The following ROBO2 variants were observed in gnomAD, a reference collection of about 807,000 sequenced individuals.
ROBO2 encodes roundabout homolog 2.
In ROBO2, 53 loss-of-function variants were observed where a neutral mutation model predicts 160.8. The observed-to-expected ratio is 0.33, with a 90% CI of 0.26 to 0.41. ROBO2 has a LOEUF of 0.41. Among genes scored for constraint, ROBO2 ranks in the 10% least tolerant of loss-of-function variants. The pLI is 1.00. For missense variants in ROBO2, 1,577 were observed against 1,722.4 expected, an observed-to-expected ratio of 0.92 and a Z score of 1.49; for synonymous variants, 664 against 611.7, an observed-to-expected ratio of 1.09 and a Z score of -1.26.
intron 2 of ROBO2, among the ~76,000 whole-genome samples, chr3:76,834,545 A>G (rs1440911233): frequency 2.6e-5 from 4 of 151,652 alleles, no homozygotes; most frequent in Non-Finnish European, 4.4e-5. Flanking sequence ...GCTAATTTTT[A>G]TATTTTTTGT....
chr3:76,367,008 A>G (rs1176167935), intron 2 of ROBO2, among the ~76,000 whole-genome samples: 1 of 152,022 alleles, frequency 6.6e-6, no homozygotes, highest in Non-Finnish European at 1.5e-5. Context: ...CTCAATATAG[A>G]ATGTAAGCAG....
At chr3:75,909,778 T>C (rs917901922) in intron 1 of ROBO2, among the ~76,000 whole-genome samples, 2 of 152,162 alleles carry the variant, frequency 1.3e-5, no homozygotes, top group African/African-American at 2.4e-5. Context: ...TCTAATTCTT[T>C]CAGAAAGAGG....
At chr3:76,215,095 G>C (rs1703416038) in intron 2 of ROBO2, among the ~76,000 whole-genome samples, 1 of 152,218 alleles carries the variant, frequency 6.6e-6, no homozygotes, top group South Asian at 2.1e-4. Context: ...ACCTGCAGCT[G>C]AGGGTCTTGA....
intron 21 of ROBO2, among the ~76,000 whole-genome samples, chr3:77,614,313 C>T (rs1344214649): frequency 6.6e-6 from 1 of 152,082 alleles, no homozygotes; most frequent in Non-Finnish European, 1.5e-5. Flanking sequence ...TGATCTCCAA[C>T]ATATAAAACA....
At chr3:75,997,542 G>A (rs1186180058) in intron 2 of ROBO2, among the ~76,000 whole-genome samples, 1 of 129,344 alleles carries the variant, frequency 7.7e-6, no homozygotes, top group Non-Finnish European at 1.6e-5. Flanking sequence ...ACCCAGGCTG[G>A]GGTGCAGTAG....
At chr3:77,430,902 G>C (rs1386078504) in intron 2 of ROBO2, among the ~76,000 whole-genome samples, 2 of 152,084 alleles carry the variant, frequency 1.3e-5, no homozygotes, top group African/African-American at 4.8e-5. Context: ...CTAAACTTTT[G>C]TGCCTGTATC....
At chr3:76,090,255 G>C (rs1005818777) in intron 2 of ROBO2, among the ~76,000 whole-genome samples, 3 of 152,062 alleles carry the variant, frequency 2.0e-5, no homozygotes, top group African/African-American at 7.2e-5. Context: ...GAGGTCAGGG[G>C]TTCGAGACCA....
chr3:77,138,403 A>T (rs2076446174), intron 2 of ROBO2, among the ~76,000 whole-genome samples: 1 of 152,322 alleles, frequency 6.6e-6, no homozygotes, highest in Non-Finnish European at 1.5e-5. Context: ...ATAGTAGTTT[A>T]GATGCCGTGG....
chr3:76,288,035 T>G, intron 2 of ROBO2, among the ~76,000 whole-genome samples: 1 of 152,374 alleles, frequency 6.6e-6, no homozygotes. Context: ...AAAATAATTT[T>G]TATTATTTAA....
At chr3:77,608,144 T>C (rs2153696337) in intron 21 of ROBO2, among the ~76,000 whole-genome samples, 190 bp downstream of exon 22, 1 of 152,152 alleles carries the variant, frequency 6.6e-6, no homozygotes, top group South Asian at 2.1e-4. Flanking sequence ...ACAGCACATA[T>C]TGAGGACTGA....
chr3:76,713,662 G>T (rs1398703521), intron 2 of ROBO2, among the ~76,000 whole-genome samples: 1 of 152,076 alleles, frequency 6.6e-6, no homozygotes, highest in Admixed American at 6.6e-5. Flanking sequence ...GCATTAACTT[G>T]TTTGAACAAG....
At chr3:76,863,652 A>G (rs1228760239) in intron 2 of ROBO2, among the ~76,000 whole-genome samples, 1 of 151,980 alleles carries the variant, frequency 6.6e-6, no homozygotes, top group Non-Finnish European at 1.5e-5. Context: ...TTTGTGGGGC[A>G]TACCTGTTTA....
chr3:76,378,222 A>G (rs1199901237), intron 2 of ROBO2, among the ~76,000 whole-genome samples: 1 of 152,210 alleles, frequency 6.6e-6, no homozygotes, highest in Non-Finnish European at 1.5e-5. Flanking sequence ...TTCTAAATCC[A>G]TGTTTCAAAG....
chr3:76,720,272 C>T (rs1004571932), intron 2 of ROBO2, among the ~76,000 whole-genome samples: 1 of 152,138 alleles, frequency 6.6e-6, no homozygotes, highest in Non-Finnish European at 1.5e-5. Flanking sequence ...ATTTCCCAGC[C>T]TCCTGAAATG....
At chr3:76,286,174 G>A (rs145446453) in intron 2 of ROBO2, among the ~76,000 whole-genome samples, 232 of 152,302 alleles carry the variant, frequency 1.5e-3, no homozygotes, top group Admixed American at 2.9e-3. Context: ...GTGCTGTAGT[G>A]CAGAGTTAGA....
chr3:76,139,834 C>A (rs2071564870), intron 2 of ROBO2, among the ~76,000 whole-genome samples: 1 of 151,980 alleles, frequency 6.6e-6, no homozygotes, highest in South Asian at 2.1e-4. Context: ...AGTTTCGTTT[C>A]CAATCTCATA....
chr3:77,279,266 A>C (rs186457622), intron 2 of ROBO2, among the ~76,000 whole-genome samples: 1 of 152,180 alleles, frequency 6.6e-6, no homozygotes, highest in Non-Finnish European at 1.5e-5. Context: ...AAATTTTTTT[A>C]ACTCTTTTGA....
At position 77,644,920 on chromosome 3, in the gene ROBO2, A is replaced by G. The variant is rs574776349; in HGVS notation, c.4135+16A>G. The G allele has an allele frequency of 3.1e-6, 5 of 1,610,508 alleles. No homozygotes were observed. In the South Asian group the frequency reaches 4.4e-5, roughly 14 times the overall value. ...GGTGAATTATGTAAGTGCTTAGGTC[A>G]TTTAAAAGGCTATCGTGATTCAGAA... On this transcript the variant is annotated intron_variant, in intron 25 of 25. Transcript: ENST00000461745.
chr3:76,435,048 A>G (rs1212889465), intron 2 of ROBO2: 5 of 1,202,238 alleles, frequency 4.2e-6, no homozygotes, highest in East Asian at 2.3e-5. Flanking sequence ...GCTGAAACAA[A>G]TGGCTTACAT....
Sources: allele counts gnomAD v4.1 joint callset (sites outside exome capture counted in the v4.1 genomes callset), GRCh38; gene constraint gnomAD v4.1.1; transcripts MANE v1.5; gene names NCBI Gene and HGNC (gene_info 2026-07-23, HGNC 2026-07-21).